The following LRP1B variants were observed in gnomAD, a reference collection of about 807,000 sequenced individuals.
LRP1B encodes the protein LDL receptor related protein 1B, also known as low-density lipoprotein receptor-related protein 1B.
LRP1B carries 217 observed loss-of-function variants against 556.6 expected under a neutral mutation model. That is an observed-to-expected ratio of 0.39 (90% CI 0.35 to 0.44). LRP1B has a LOEUF of 0.44. LRP1B is among the 20% of genes least tolerant of loss of function. The pLI is 1.00. For missense variants in LRP1B, 5,053 were observed against 5,620.8 expected (o/e 0.90, Z 3.23); for synonymous variants, 2,047 against 1,865.8 (o/e 1.10, Z -2.50).
At chr2:140,974,303 T>G (rs956676138) in intron 18 of LRP1B, among the ~76,000 whole-genome samples, 5 of 152,190 alleles carry the variant, frequency 3.3e-5, no homozygotes, top group African/African-American at 1.2e-4. Context: ...GGGAACAGTT[T>G]TAGAAGAATT....
chr2:140,536,520 A>G (rs1690980683), intron 46 of LRP1B, 61 bp downstream of exon 46: 1 of 1,547,072 alleles, frequency 6.5e-7, no homozygotes, highest in Non-Finnish European at 8.8e-7. Flanking sequence ...CAAGCAAACC[A>G]AAAACTGTAA....
chr2:140,911,835 A>C (rs1694428713), intron 21 of LRP1B, among the ~76,000 whole-genome samples: 1 of 151,744 alleles, frequency 6.6e-6, no homozygotes, highest in Non-Finnish European at 1.5e-5. Context: ...CCAACCACTG[A>C]CTCCAAAATG....
chr2:140,367,227 G>A (rs1682802748), intron 71 of LRP1B, among the ~76,000 whole-genome samples: 1 of 151,758 alleles, frequency 6.6e-6, no homozygotes, highest in Non-Finnish European at 1.5e-5. Flanking sequence ...TAAAAACCTG[G>A]TATGATTAAT....
chr2:141,412,228 T>C (rs923987567), intron 3 of LRP1B, among the ~76,000 whole-genome samples: 1 of 152,198 alleles, frequency 6.6e-6, no homozygotes, highest in African/African-American at 2.4e-5. Context: ...AAAACTGACC[T>C]CTTCATCTGA....
At chr2:141,569,900 CAT>C (rs1415471046) in intron 2 of LRP1B, among the ~76,000 whole-genome samples, 1 of 151,064 alleles carries the variant, frequency 6.6e-6, no homozygotes, top group Non-Finnish European at 1.5e-5. Context: ...TAATTTTTCA[CAT>C]ATGTCCTTAC....
intron 2 of LRP1B, among the ~76,000 whole-genome samples, chr2:141,532,093 G>T (rs1026253741): frequency 9.2e-5 from 14 of 152,116 alleles, no homozygotes; most frequent in African/African-American, 3.4e-4. Context: ...ATTATTTCCT[G>T]TGTGAACACA....
intron 89 of LRP1B, among the ~76,000 whole-genome samples, chr2:140,236,525 G>A (rs1172977216): frequency 2.7e-5 from 4 of 150,828 alleles, no homozygotes; most frequent in African/African-American, 9.7e-5. Flanking sequence ...AACTTTAACT[G>A]GATAATTGTA....
chr2:141,997,545 C>T (rs1483465854), intron 1 of LRP1B, among the ~76,000 whole-genome samples: 2 of 149,114 alleles, frequency 1.3e-5, no homozygotes, highest in Non-Finnish European at 3.0e-5. Flanking sequence ...TGTGGTGGCT[C>T]AATCTTGGTT....
At chr2:141,503,853 G>T (rs751216753) in intron 2 of LRP1B, among the ~76,000 whole-genome samples, 22 of 152,096 alleles carry the variant, frequency 1.4e-4, no homozygotes, top group Admixed American at 7.9e-4. Context: ...TGAAAACTTT[G>T]AAAAGAGAAA....
intron 18 of LRP1B, among the ~76,000 whole-genome samples, chr2:140,961,524 C>T (rs1487941687): frequency 6.6e-6 from 1 of 152,022 alleles, no homozygotes; most frequent in South Asian, 2.1e-4. Flanking sequence ...GAAAGAGTTA[C>T]TAAAACACAA....
intron 25 of LRP1B, among the ~76,000 whole-genome samples, chr2:140,875,934 G>T (rs534154827): frequency 6.6e-6 from 1 of 152,030 alleles, no homozygotes; most frequent in African/African-American, 2.4e-5. Context: ...CCTTGTCAAT[G>T]GTGTCTTTGA....
At chr2:140,652,015 T>C (rs1012814393) in intron 41 of LRP1B, among the ~76,000 whole-genome samples, 2 of 152,114 alleles carry the variant, frequency 1.3e-5, no homozygotes, top group Non-Finnish European at 1.5e-5. Context: ...TTGCCTGATA[T>C]TTAAAGTTCA....
chr2:141,605,165 A>G (rs1687874320), intron 2 of LRP1B, among the ~76,000 whole-genome samples: 1 of 152,132 alleles, frequency 6.6e-6, no homozygotes. Context: ...ACAAAAGAGG[A>G]CTATGGCCCA....
At chr2:141,906,626 G>GTATATTGATTATTGCATTAACA (rs939910116) in intron 1 of LRP1B, among the ~76,000 whole-genome samples, 1 of 151,956 alleles carries the variant, frequency 6.6e-6, no homozygotes, top group Non-Finnish European at 1.5e-5. Context: ...CCTGTTGATA[G>GTATATTGATTATTGCATTAACA]TATATTGATT....
chr2:140,240,319 C>T (rs1372890872), intron 87 of LRP1B, among the ~76,000 whole-genome samples: 1 of 150,768 alleles, frequency 6.6e-6, no homozygotes, highest in Non-Finnish European at 1.5e-5. Flanking sequence ...GGTACTAGCA[C>T]TAACAGAATA....
intron 35 of LRP1B, among the ~76,000 whole-genome samples, chr2:140,731,338 T>C (rs1306524456): frequency 3.3e-5 from 5 of 152,078 alleles, no homozygotes; most frequent in Non-Finnish European, 5.9e-5. Context: ...TACATGATAA[T>C]TGAATAAATG....
chr2:140,578,767 AT>A (rs1681639066), intron 43 of LRP1B, among the ~76,000 whole-genome samples: 1 of 152,180 alleles, frequency 6.6e-6, no homozygotes, highest in African/African-American at 2.4e-5. Flanking sequence ...AATAAAAAAA[AT>A]CAATCCCTTT....
At chr2:141,340,732 G>T (rs768187624) in intron 3 of LRP1B, among the ~76,000 whole-genome samples, 21 of 152,026 alleles carry the variant, frequency 1.4e-4, no homozygotes, top group Non-Finnish European at 1.8e-4. Flanking sequence ...ATCAAGGAAG[G>T]GAATTTAAAC....
intron 66 of LRP1B, among the ~76,000 whole-genome samples, chr2:140,424,553 A>G (rs1362912511): frequency 6.6e-6 from 1 of 152,226 alleles, no homozygotes; most frequent in African/African-American, 2.4e-5. Context: ...ATAGATGACC[A>G]TCTCCAAAAA....
Sources: allele counts gnomAD v4.1 joint callset (sites outside exome capture counted in the v4.1 genomes callset), GRCh38; gene constraint gnomAD v4.1.1; transcripts MANE v1.5; gene names NCBI Gene and HGNC (gene_info 2026-07-23, HGNC 2026-07-21).